NCMAP: variants seen among roughly 807,000 people sequenced by gnomAD.
NCMAP encodes the protein noncompact myelin-associated protein.
In NCMAP, 8 loss-of-function variants were observed where a neutral mutation model predicts 7.8. The observed-to-expected ratio is 1.02, with a 90% CI of 0.60 to 1.84. The LOEUF (loss-of-function observed/expected upper bound fraction) is 1.84. NCMAP is among the 40% of genes most tolerant of loss of function. The pLI, the probability that NCMAP is intolerant of heterozygous loss-of-function variation, is 0.00. For missense variants in NCMAP, 112 were observed against 131.4 expected (o/e 0.85, Z 0.72); for synonymous variants, 41 against 52.9 (o/e 0.78, Z 0.98).
intron 2 of NCMAP, among the ~76,000 whole-genome samples, chr1:24,596,304 C>T (rs1276026222): frequency 6.6e-6 from 1 of 151,900 alleles, no homozygotes; most frequent in Non-Finnish European, 1.5e-5. Flanking sequence ...ACTACGATTG[C>T]TATTGTTTTC....
At chr1:24,566,738 T>A (rs1350370479) in intron 1 of NCMAP, among the ~76,000 whole-genome samples, 2 of 152,146 alleles carry the variant, frequency 1.3e-5, no homozygotes, top group African/African-American at 4.8e-5. Flanking sequence ...CAGTGACATA[T>A]CCCAGCCCCA....
rs1418089743 is a variant in NCMAP, at chr1:24,582,199, G to A, written c.-7-13225G>A. ...CATCGGATCCACCTCAGTGCCTCCC[G>A]TGGTGCTTGGCCTGTGTGTCTGCGT... On this transcript the variant is annotated intron_variant, in intron 1 of 3. Transcript: ENST00000374392. 2.0e-5 allele frequency among the ~76,000 whole-genome samples: 3 copies of A among 152,258 alleles called. 1 individual carries two copies. The highest frequency in any genetic ancestry group is 7.2e-5 in the African/African-American group (3 of 41,550).
At chr1:24,569,235 C>T (rs1651318999) in intron 1 of NCMAP, among the ~76,000 whole-genome samples, 1 of 151,912 alleles carries the variant, frequency 6.6e-6, no homozygotes, top group Admixed American at 6.6e-5. Context: ...CTCAGGTGAC[C>T]CACCTGCCTC....
chr1:24,559,186 C>T (rs1397884263), intron 1 of NCMAP, among the ~76,000 whole-genome samples: 7 of 152,282 alleles, frequency 4.6e-5, no homozygotes, highest in South Asian at 4.1e-4. Flanking sequence ...AAGCAGCGGC[C>T]GGTTTGTTTG....
rs1651834112 is a variant in NCMAP at position 24,584,860 on chromosome 1, G to A, written c.-7-10564G>A. On this transcript the variant is annotated intron_variant, in intron 1 of 3. Transcript: ENST00000374392. ...TTCTTTGGTTTAAAACAGACCCACG[G>A]CCCTCTTTGCGTCTTCTCAGTCCTA... Among the ~76,000 whole-genome samples the A allele has an allele frequency of 2.6e-5, 4 of 151,492 alleles. No homozygotes were observed. The South Asian group carries it at 8.3e-4, about 32-fold the overall frequency.
intron 1 of NCMAP, among the ~76,000 whole-genome samples, chr1:24,590,189 A>T (rs1652005336): frequency 6.6e-6 from 1 of 152,172 alleles, no homozygotes; most frequent in African/African-American, 2.4e-5. Flanking sequence ...TTGCTAGTTG[A>T]ATCAGGGCAT....
chr1:24,593,891 TA>T (rs1483254600), intron 1 of NCMAP, among the ~76,000 whole-genome samples: 8 of 147,646 alleles, frequency 5.4e-5, no homozygotes, highest in Non-Finnish European at 7.6e-5. Flanking sequence ...TTTATTTATT[TA>T]TTTATTTATT....
At chr1:24,604,189 T>G (rs1652603672) in intron 3 of NCMAP, among the ~76,000 whole-genome samples, 1 of 137,222 alleles carries the variant, frequency 7.3e-6, no homozygotes, top group Non-Finnish European at 1.5e-5. Context: ...CAATGCAGGC[T>G]TTTTTGGGGG....
At chr1:24,600,505 C>G (rs1427830922) in intron 2 of NCMAP, among the ~76,000 whole-genome samples, 1 of 152,212 alleles carries the variant, frequency 6.6e-6, no homozygotes, top group Non-Finnish European at 1.5e-5. Flanking sequence ...TGTAGATATG[C>G]AGACGATCAG....
At chr1:24,598,710 T>G (rs1652344896) in intron 2 of NCMAP, among the ~76,000 whole-genome samples, 1 of 151,572 alleles carries the variant, frequency 6.6e-6, no homozygotes, top group African/African-American at 2.4e-5. Flanking sequence ...GCTCACTGCC[T>G]CACTGCAACC....
chr1:24,584,808 G>A (rs1406978336), intron 1 of NCMAP, among the ~76,000 whole-genome samples: 1 of 152,014 alleles, frequency 6.6e-6, no homozygotes, highest in East Asian at 1.9e-4. Flanking sequence ...TGGTTTTTTG[G>A]TTTTTATTTT....
chr1:24,593,857 A>ATTATTTATTTAT lies in NCMAP; in HGVS notation c.-7-1532_-7-1521dup, dbSNP rs139852120. 2.8e-5 allele frequency among the ~76,000 whole-genome samples: 4 copies of ATTATTTATTTAT among 144,618 alleles called. 1 individual carries two copies. The highest frequency in any genetic ancestry group is 4.5e-5 in the Non-Finnish European group (3 of 66,234). 94.9% of individuals were successfully genotyped at this position (144,618 alleles called of 152,430 possible). On this transcript the variant is annotated intron_variant, in intron 1 of 3. Coordinates refer to ENST00000374392, the MANE Select transcript of NCMAP (RefSeq NM_001010980.5). ...TTCTTGACCCCTATAGTTCAGAGCG[A>ATTATTTATTTAT]TTATTTATTTATTTATTTATTTATT...
chr1:24,561,597 T>G (rs1651055367), intron 1 of NCMAP, among the ~76,000 whole-genome samples: 1 of 151,978 alleles, frequency 6.6e-6, no homozygotes, highest in Non-Finnish European at 1.5e-5. Flanking sequence ...AACCTCACAG[T>G]ACTGCCTTGA....
rs181983571 is a variant in NCMAP at position 24,577,818 on chromosome 1, T to C, written c.-7-17606T>C. Reference sequence around the variant, plus strand: ...TTAGTGCCTTACGACAGCAGGGTGGTTGCGAGGAAAGCTTAAAGGAGAGAT... The same window carrying C: ...TTAGTGCCTTACGACAGCAGGGTGGCTGCGAGGAAAGCTTAAAGGAGAGAT... On this transcript the variant is annotated intron_variant, in intron 1 of 3. Coordinates refer to ENST00000374392, the MANE Select transcript of NCMAP (RefSeq NM_001010980.5). Among the ~76,000 whole-genome samples, 199 of 152,172 alleles carry C rather than the reference T, an allele frequency of 1.3e-3. 1 individual carries two copies. Among genetic ancestry groups the C allele is most frequent in the Non-Finnish European group, 4.1e-4 (28 of 67,982 alleles).
chr1:24,603,270 C>A (rs1171495308), intron 3 of NCMAP, among the ~76,000 whole-genome samples: 1 of 151,786 alleles, frequency 6.6e-6, no homozygotes, highest in Admixed American at 6.6e-5. Flanking sequence ...GTTGTTCAGC[C>A]CTAATTAGCA....
chr1:24,559,890 G>A (rs979255866), intron 1 of NCMAP, among the ~76,000 whole-genome samples: 1 of 152,206 alleles, frequency 6.6e-6, no homozygotes, highest in African/African-American at 2.4e-5. Flanking sequence ...GGCCGGGCGC[G>A]GTGGCTCACG....
chr1:24,585,055 T>A (rs1651843697), intron 1 of NCMAP, among the ~76,000 whole-genome samples: 1 of 152,140 alleles, frequency 6.6e-6, no homozygotes. Flanking sequence ...GCTCCCTTAT[T>A]TCTGGGAACC....
chr1:24,582,049 C>T (rs1651762024), intron 1 of NCMAP, among the ~76,000 whole-genome samples: 1 of 152,118 alleles, frequency 6.6e-6, no homozygotes, highest in South Asian at 2.1e-4. Context: ...GCCTCTTGAG[C>T]CCACTCCCTA....
At chr1:24,599,656 A>C (rs566667946) in intron 2 of NCMAP, among the ~76,000 whole-genome samples, 136 of 151,174 alleles carry the variant, frequency 9.0e-4, no homozygotes, top group African/African-American at 3.0e-3. Context: ...CGGCTCACTG[A>C]AACCTCTGCC....
Sources: allele counts gnomAD v4.1 joint callset (sites outside exome capture counted in the v4.1 genomes callset), GRCh38; gene constraint gnomAD v4.1.1; transcripts MANE v1.5; gene names NCBI Gene and HGNC (gene_info 2026-07-23, HGNC 2026-07-21).